Variants in TNS1 observed in about 807,000 individuals in gnomAD.
TNS1 encodes tensin 1.
A neutral mutation model predicts 168.6 loss-of-function variants in TNS1; 62 were observed. The ratio of observed to expected loss-of-function variants is 0.37; its 90% CI spans 0.30 to 0.45. The LOEUF (loss-of-function observed/expected upper bound fraction) is 0.45. TNS1 is among the 20% of genes least tolerant of loss of function. TNS1 has a pLI of 1.00. For missense variants in TNS1, 2,240 were observed against 2,339.4 expected, an observed-to-expected ratio of 0.96 and a Z score of 0.88; for synonymous variants, 934 against 933.2, an observed-to-expected ratio of 1.00 and a Z score of -0.02.
At chr2:218,011,459 G>A (rs1958705164), upstream of TNS1, among the ~76,000 whole-genome samples, 1 of 152,162 alleles carries the variant, frequency 6.6e-6, no homozygotes, top group South Asian at 2.1e-4. Flanking sequence ...GGGCGGAGGA[G>A]CTGCCAGGGG....
chr2:217,921,811 C>T (rs1378015400), intron 3 of TNS1, among the ~76,000 whole-genome samples: 1 of 152,096 alleles, frequency 6.6e-6, no homozygotes, highest in Non-Finnish European at 1.5e-5. Context: ...AAATGCTTTA[C>T]CTCTGTTAAC....
intron 17 of TNS1, 145 bp from the exon 18 acceptor site, chr2:217,881,159 C>A (rs746672481): frequency 1.6e-6 from 1 of 623,834 alleles, no homozygotes. Context: ...GCGTGGTGGG[C>A]GGGACCAGTG....
chr2:217,894,152 C>G (rs1415545717), intron 9 of TNS1, among the ~76,000 whole-genome samples: 1 of 152,196 alleles, frequency 6.6e-6, no homozygotes, highest in Admixed American at 6.5e-5. Context: ...CAAAATCTTT[C>G]TAGACTCACC....
intron 1 of TNS1, among the ~76,000 whole-genome samples, chr2:218,028,048 C>T (rs946040565): frequency 1.3e-5 from 2 of 152,216 alleles, no homozygotes; most frequent in East Asian, 3.9e-4. Flanking sequence ...GACAAGCTGG[C>T]CTGGAGGACA....
chr2:218,019,804 G>C (rs1337542352), intron 1 of TNS1, among the ~76,000 whole-genome samples: 6 of 152,112 alleles, frequency 3.9e-5, no homozygotes. Flanking sequence ...GGCTGATTGA[G>C]AAGTGCCTCC....
intron 4 of TNS1, among the ~76,000 whole-genome samples, chr2:217,908,899 C>CGAGGATGGCTCTG (rs1221048058): frequency 1.3e-5 from 2 of 152,116 alleles, no homozygotes; most frequent in Admixed American, 6.5e-5. Flanking sequence ...ACTTGGAGTC[C>CGAGGATGGCTCTG]GAGGATGGCT....
Position 217,880,887 on chromosome 2 carries a change from G to T in TNS1, c.1429+11C>A. 1 of 1,602,228 alleles carries T rather than the reference G, an allele frequency of 6.2e-7. No individual in the cohort carries two copies. Among genetic ancestry groups the T allele is most frequent in the Non-Finnish European group, 8.6e-7 (1 of 1,169,340 alleles). On this transcript the variant is annotated intron_variant, in intron 18 of 32. Transcript: ENST00000682258. This position sits in a 1 kb window ranked among gnomAD's most constrained non-coding sequence, Gnocchi z 4.2. ...TTGGATAGGGGCTGGGAGCCACTAG[G>T]TCCCACCTACCCTCCATGCCGTCAT...
In TNS1 at chr2:217,895,064, G is replaced by A; in HGVS notation, c.544-8C>T. 1 of 1,609,302 alleles carries A rather than the reference G, an allele frequency of 6.2e-7. No individual in the cohort carries two copies. Among genetic ancestry groups the A allele is most frequent in the Admixed American group, 1.7e-5 (1 of 59,504 alleles). On this transcript the variant is annotated splice_region_variant and splice_polypyrimidine_tract_variant and intron_variant, in intron 8 of 32. Coordinates refer to ENST00000682258, the MANE Select transcript of TNS1 (RefSeq NM_001387777.1). ...CTCAGAGAGGTTGAACAGCTAGAAGGAGCAAAAGGAAGAGAGCATGAGGAG... is the reference window on the plus strand; with the variant it reads ...CTCAGAGAGGTTGAACAGCTAGAAGAAGCAAAAGGAAGAGAGCATGAGGAG...
Position 217,886,561 on chromosome 2 carries a change from C to T in TNS1, c.952G>A (p.Gly318Ser), listed in dbSNP as rs576154784. Reference protein sequence around the residue: ...PLFLHHVIMHGIPNFESKGGC... With the variant: ...PLFLHHVIMHSIPNFESKGGC... ...CCTTTAGACTCAAAGTTGGGGATGC[C>T]GTGCATGATCACGTGGTGCAGAAAC... The change falls in exon 13 of 33, where the codon GGC becomes AGC. Residue 318 changes from glycine (G) to serine (S), a missense_variant. By Grantham distance (56) the Gly-to-Ser change is moderately conservative. Transcript: ENST00000682258. The T allele has an allele frequency of 1.1e-4, 177 of 1,603,856 alleles. 2 individuals are homozygous for T. The South Asian group carries it at 1.7e-3, about 16-fold the overall frequency.
intron 11 of TNS1, among the ~76,000 whole-genome samples, 178 bp downstream of exon 11, chr2:217,892,770 G>A (rs910151934): frequency 2.6e-5 from 4 of 151,972 alleles, no homozygotes; most frequent in Admixed American, 6.6e-5. Context: ...CCTCCCTCCC[G>A]CCCTCTGTCC....
At chr2:217,884,318 GATGA>G (rs1306560601) in intron 16 of TNS1, among the ~76,000 whole-genome samples, 4 of 152,170 alleles carry the variant, frequency 2.6e-5, no homozygotes. Context: ...CAGACGGATG[GATGA>G]ATGGATGGAT....
Position 217,817,952 on chromosome 2 carries a change from G to A in TNS1, c.4380C>T (p.Ser1460=), listed in dbSNP as rs747620191. ...TGCTCAGGCCAGGGTAGTAGGCAGG[G>A]GAGACAGGGAAGGAGGGCGTGGAAG... is the stretch of plus-strand genomic sequence containing the variant. ...QAPSTPSFPV[S]PAYYPGLSSP... The change falls in exon 24 of 33, where the codon TCC becomes TCT. Residue 1460 remains serine (S), a synonymous_variant. Transcript: ENST00000682258. The A allele has an allele frequency of 6.2e-7, 1 of 1,609,820 alleles. No individual in the cohort carries two copies. Among genetic ancestry groups the A allele is most frequent in the Admixed American group, 1.7e-5 (1 of 59,270 alleles).
intron 3 of TNS1, among the ~76,000 whole-genome samples, chr2:217,957,370 G>A (rs1957391645): frequency 6.6e-6 from 1 of 152,136 alleles, no homozygotes; most frequent in Non-Finnish European, 1.5e-5. Context: ...GCCCCTTCCA[G>A]AGCCCCCTCT....
intron 1 of TNS1, among the ~76,000 whole-genome samples, chr2:218,028,395 C>T (rs1292952405): frequency 6.6e-6 from 1 of 152,320 alleles, no homozygotes; most frequent in South Asian, 2.1e-4. Context: ...CTTGCACTTG[C>T]CCTATCTGCA....
chr2:217,950,962 C>T (rs1290873536), intron 3 of TNS1, among the ~76,000 whole-genome samples: 1 of 152,064 alleles, frequency 6.6e-6, no homozygotes, highest in African/African-American at 2.4e-5. Context: ...CCTCCGCTCC[C>T]TAGAGTTTTT....
At chr2:218,005,149 C>T (rs1310287615), upstream of TNS1, among the ~76,000 whole-genome samples, 1 of 152,278 alleles carries the variant, frequency 6.6e-6, no homozygotes. Flanking sequence ...AAGCTCCCCG[C>T]TGCCTGCTCC....
intron 6 of TNS1, 58 bp downstream of exon 6, chr2:217,906,277 C>CCCATCCCCCAGG: frequency 1.5e-6 from 1 of 670,574 alleles, no homozygotes; most frequent in South Asian, 1.5e-5. Flanking sequence ...CCACCCCACC[C>CCCATCCCCCAGG]CATTCCCCCT....
At chr2:217,897,770 G>A in intron 8 of TNS1, 28 bp downstream of exon 8, 2 of 1,568,690 alleles carry the variant, frequency 1.3e-6, no homozygotes, top group Non-Finnish European at 1.7e-6. Flanking sequence ...GAGGGCACAG[G>A]ACAGTGGGCA....
At chr2:217,927,264 C>T (rs1956079644) in intron 3 of TNS1, among the ~76,000 whole-genome samples, 1 of 152,178 alleles carries the variant, frequency 6.6e-6, no homozygotes. Flanking sequence ...GAAAGAACCA[C>T]AAGAAGCCCC....
Sources: gnomAD v4.1 joint callset for allele counts (sites outside exome capture counted in the v4.1 genomes callset) on GRCh38, gnomAD v4.1.1 for gene constraint, Gnocchi (gnomAD v3.1) non-coding constraint, MANE v1.5 for transcripts, NCBI Gene and HGNC (gene_info 2026-07-23, HGNC 2026-07-21) for gene names.